The following CSNK1E variants were observed in gnomAD, a reference collection of about 807,000 sequenced individuals.
The protein encoded by CSNK1E is casein kinase I isoform epsilon.
CSNK1E carries 17 observed loss-of-function variants against 46.1 expected under a neutral mutation model. The ratio of observed to expected loss-of-function variants is 0.37; its 90% confidence interval spans 0.25 to 0.55. The LOEUF (loss-of-function observed/expected upper bound fraction) is 0.55. CSNK1E is among the 20% of genes least tolerant of loss of function. The pLI, the probability that CSNK1E is intolerant of heterozygous loss-of-function variation, is 0.82. For synonymous variants in CSNK1E, 241 were observed against 242.6 expected, an observed-to-expected ratio of 0.99 and a Z score of 0.06; for missense variants, 386 against 595.4, an observed-to-expected ratio of 0.65 and a Z score of 3.66.
At chr22:38,310,245 T>C (rs1216499748) in intron 2 of CSNK1E, among the ~76,000 whole-genome samples, 1 of 152,154 alleles carries the variant, frequency 6.6e-6, no homozygotes, top group African/African-American at 2.4e-5. Context: ...AGATGCCCCA[T>C]GAGTCAGACA....
rs1354304758 is a variant in CSNK1E at position 38,299,977 on chromosome 22, T to A, written c.654A>T (p.Ala218=). The change falls in exon 6 of 11, where the codon GCA becomes GCT. Residue 218 remains alanine, a synonymous_variant. Coordinates refer to ENST00000396832, the MANE Select transcript of CSNK1E (RefSeq NM_152221.3). ...GTTCATACTTCTGGCGCTTGGTGGC[T>A]GCTTTGAGCCCCTGCCAGGGCAGGG... ...LGSLPWQGLK[A]ATKRQKYERI... 2.5e-6 allele frequency: 4 copies of A among 1,614,200 alleles called. No homozygotes were observed. The highest frequency in any genetic ancestry group is 2.5e-6 in the Non-Finnish European group (3 of 1,180,036).
At chr22:38,315,416 A>G (rs765659755) in intron 1 of CSNK1E, among the ~76,000 whole-genome samples, 1 of 152,184 alleles carries the variant, frequency 6.6e-6, no homozygotes, top group Non-Finnish European at 1.5e-5. Flanking sequence ...AGGGACCTCC[A>G]CCAGAGCTGG....
At chr22:38,299,523 C>T (rs1463752711) in intron 6 of CSNK1E, among the ~76,000 whole-genome samples, 1 of 152,182 alleles carries the variant, frequency 6.6e-6, no homozygotes, top group African/African-American at 2.4e-5. Context: ...CCAGTGTGGG[C>T]TTTGTTGTTG....
intron 2 of CSNK1E, among the ~76,000 whole-genome samples, chr22:38,305,946 C>G (rs1292935049): frequency 6.6e-6 from 1 of 152,140 alleles, no homozygotes; most frequent in Non-Finnish European, 1.5e-5. Flanking sequence ...AAGGCGGGGA[C>G]AAGGCTGTCG....
intron 7 of CSNK1E, chr22:38,296,481 C>A: frequency 6.4e-7 from 1 of 1,560,980 alleles, no homozygotes; most frequent in South Asian, 1.2e-5. Flanking sequence ...GGTGAAGGTT[C>A]CCATTGCATG....
chr22:38,307,231 C>T (rs945265597), intron 2 of CSNK1E, among the ~76,000 whole-genome samples: 20 of 152,082 alleles, frequency 1.3e-4, no homozygotes, highest in South Asian at 6.2e-4. Context: ...ATTTACATAG[C>T]ATTTACATTG....
Position 38,300,097 on chromosome 22 carries a change from C to T in CSNK1E, c.566-32G>A, listed in dbSNP as rs1414244343. On this transcript the variant is annotated intron_variant, in intron 5 of 10. Coordinates refer to ENST00000396832, the MANE Select transcript of CSNK1E (RefSeq NM_152221.3). This position sits in a 1 kb window ranked among gnomAD's most constrained non-coding sequence, Gnocchi z 4.4. ...AGAGAGTCAAAGACTAGGTGAGGGA[C>T]AGGGGTCCACTCAGGCCCCTAACTC... The T allele has an allele frequency of 1.2e-6, 2 of 1,604,866 alleles. No homozygotes were observed. Among genetic ancestry groups the T allele is most frequent in the Admixed American group, 3.4e-5 (2 of 59,438 alleles).
Position 38,300,579 on chromosome 22 carries a change from G to C in CSNK1E, c.565+145C>G. On this transcript the variant is annotated intron_variant, in intron 5 of 10. Coordinates refer to ENST00000396832, the MANE Select transcript of CSNK1E (RefSeq NM_152221.3). This position sits in a 1 kb window ranked among gnomAD's most constrained non-coding sequence, Gnocchi z 4.4. ...CTGTGCAAGGACACGGAATAAGCAC[G>C]AGCTTGGGGGCAGACGGGGTGGGGA... The C allele has an allele frequency of 2.6e-6, 2 of 766,420 alleles. No homozygotes were observed. The highest frequency in any genetic ancestry group is 4.2e-6 in the Non-Finnish European group (2 of 475,800). 47.5% of individuals were successfully genotyped at this position (766,420 alleles called of 1,614,324 possible).
intron 9 of CSNK1E, chr22:38,293,779 G>C (rs1049247540): frequency 2.4e-6 from 1 of 415,466 alleles, no homozygotes; most frequent in Admixed American, 3.8e-5. Flanking sequence ...GGGCTCCTGG[G>C]GGCTCCCTGA....
rs1168064685 is a variant in CSNK1E at position 38,298,214 on chromosome 22, A to G, written c.885+572T>C. ...GCTCGAGGAAGCCCCCTTTTCCAGA[A>G]GAGATGTGAAACAAGACATACAATT... On this transcript the variant is annotated intron_variant, in intron 7 of 10. Transcript: ENST00000396832. This position sits in a 1 kb window ranked among gnomAD's most constrained non-coding sequence, Gnocchi z 4.2. 7.7e-7 allele frequency: 1 copy of G among 1,303,366 alleles called. No homozygotes were observed. 80.7% of individuals were successfully genotyped at this position (1,303,366 alleles called of 1,614,324 possible).
In CSNK1E at chr22:38,314,104, C is replaced by T. The variant is rs527571036; in HGVS notation, c.54G>A (p.Gly18=). Residue 18 remains glycine (G), a synonymous_variant, in exon 2 of 11, where the codon GGG becomes GGA. Transcript: ENST00000396832. The stretch of plus-strand genomic sequence containing the variant: ...TACCCAGGTAGATATCTCCGAAGGA[C>T]CCGCTCCCGATCTTCCGTCCCAGGC... ...KYRLGRKIGS[G]SFGDIYLGAN... 27 of 1,614,116 alleles carry T rather than the reference C, an allele frequency of 1.7e-5. No individual in the cohort carries two copies. The South Asian group carries it at 2.6e-4, about 16-fold the overall frequency.
At chr22:38,296,656 C>G in intron 7 of CSNK1E, 2 of 1,612,854 alleles carry the variant, frequency 1.2e-6, no homozygotes, top group Non-Finnish European at 1.7e-6. Flanking sequence ...GCGGTCAGAC[C>G]AGCAGCAGTG....
chr22:38,305,800 G>A (rs1283230910), intron 2 of CSNK1E, among the ~76,000 whole-genome samples: 1 of 152,066 alleles, frequency 6.6e-6, no homozygotes, highest in East Asian at 1.9e-4. Flanking sequence ...AAGACTGTGG[G>A]GGCGCTGAGC....
intron 2 of CSNK1E, among the ~76,000 whole-genome samples, chr22:38,305,791 A>G (rs924926682): frequency 1.7e-4 from 26 of 151,990 alleles, no homozygotes; most frequent in African/African-American, 6.3e-4. Flanking sequence ...TCTGTCGGCA[A>G]GACTGTGGGG....
At position 38,298,988 on chromosome 22, in the gene CSNK1E, AC is replaced by A. The variant is rs2092656730; in HGVS notation, c.737-55del. ...GCCACTGTGAGGCCCACGCTCCCAG[AC>A]CCCCTGCAGCCAGCACTGTCCTAGC... On this transcript the variant is annotated intron_variant, in intron 6 of 10. Transcript: ENST00000396832. The surrounding 1 kb of genome is among the most constrained non-coding windows in gnomAD (Gnocchi z 4.2). 6.2e-7 allele frequency: 1 copy of A among 1,604,026 alleles called. No individual in the cohort carries two copies. Among genetic ancestry groups the A allele is most frequent in the Non-Finnish European group, 8.5e-7 (1 of 1,172,112 alleles).
rs556542342 is a variant in CSNK1E, at chr22:38,303,346, G to A, written c.77-98C>T. 3.8e-6 allele frequency: 4 copies of A among 1,063,660 alleles called. No homozygotes were observed. The highest frequency in any genetic ancestry group is 2.6e-5 in the East Asian group (1 of 38,394). 65.9% of individuals were successfully genotyped at this position (1,063,660 alleles called of 1,614,324 possible). On this transcript the variant is annotated intron_variant, in intron 2 of 10. Transcript: ENST00000396832. This position sits in a 1 kb window ranked among gnomAD's most constrained non-coding sequence, Gnocchi z 4.7. ...ATTTCTGAGATCTGGCGTGTGCCGG[G>A]CCCGGGGCCATCTGCCCTTGAGGAG...
Position 38,298,667 on chromosome 22 carries a change from T to C in CSNK1E, c.885+119A>G. ...GACCCCAGTGAGGTCAACCACACTG[T>C]CCAGCTCGTACCTCCCGTCTGTCGG... On this transcript the variant is annotated intron_variant, in intron 7 of 10. Coordinates refer to ENST00000396832, the MANE Select transcript of CSNK1E (RefSeq NM_152221.3). This position sits in a 1 kb window ranked among gnomAD's most constrained non-coding sequence, Gnocchi z 4.2. 1 of 1,202,898 alleles carries C rather than the reference T, an allele frequency of 8.3e-7. No homozygotes were observed. The highest frequency in any genetic ancestry group is 1.5e-5 in the African/African-American group (1 of 67,156). The allele number at this position is 1,202,898 out of a possible 1,614,324, so 74.5% of individuals were successfully genotyped here.
chr22:38,298,069 A>C lies in CSNK1E; in HGVS notation c.885+717T>G. 8.6e-7 allele frequency: 1 copy of C among 1,163,984 alleles called. No homozygotes were observed. The highest frequency in any genetic ancestry group is 1.6e-5 in the South Asian group (1 of 61,484). 72.1% of individuals were successfully genotyped at this position (1,163,984 alleles called of 1,614,324 possible). On this transcript the variant is annotated intron_variant, in intron 7 of 10. Coordinates refer to ENST00000396832, the MANE Select transcript of CSNK1E (RefSeq NM_152221.3). The surrounding 1 kb of genome is among the most constrained non-coding windows in gnomAD (Gnocchi z 4.2). ...ACTGGTCAAGTGGCAAATTTTGGAA[A>C]AGCCAGACCTCAGAGGATCCTTACC...
intron 2 of CSNK1E, among the ~76,000 whole-genome samples, chr22:38,311,099 G>A (rs999376678): frequency 4.6e-5 from 7 of 152,280 alleles, no homozygotes; most frequent in African/African-American, 7.2e-5. Context: ...CAGACCCTTC[G>A]AAATCAACTC....
Sources: gnomAD v4.1 joint callset for allele counts (sites outside exome capture counted in the v4.1 genomes callset) on GRCh38, gnomAD v4.1.1 for gene constraint, Gnocchi (gnomAD v3.1) non-coding constraint, MANE v1.5 for transcripts, NCBI Gene and HGNC (gene_info 2026-07-23, HGNC 2026-07-21) for gene names.